The following TENM3 variants were observed in gnomAD, a reference collection of about 807,000 sequenced individuals.
TENM3 encodes the protein teneurin transmembrane protein 3, also known as teneurin-3.
TENM3 carries 63 observed loss-of-function variants against 255.1 expected under a neutral mutation model. That is an observed-to-expected ratio of 0.25 (90% CI 0.20 to 0.30). The LOEUF (loss-of-function observed/expected upper bound fraction) is 0.30, where lower values mean the gene tolerates loss of function less well. TENM3 is among the 10% of genes least tolerant of loss of function. The probability of loss-of-function intolerance (pLI) is 1.00; values close to 1 mark genes in which losing one functional copy is unlikely to be tolerated. For synonymous variants in TENM3, 1,306 were observed against 1,322.3 expected, an observed-to-expected ratio of 0.99 and a Z score of 0.27; for missense variants, 2,929 against 3,461.1, an observed-to-expected ratio of 0.85 and a Z score of 3.86.
chr4:181,824,843 TA>T, the TENM3 span, among the ~76,000 whole-genome samples: 1 of 152,308 alleles, frequency 6.6e-6, no homozygotes, highest in East Asian at 1.9e-4. Flanking sequence ...TGGTGGAAAG[TA>T]GATTGCTTAG....
At chr4:181,746,648 C>G in the TENM3 span, among the ~76,000 whole-genome samples, 1 of 152,012 alleles carries the variant, frequency 6.6e-6, no homozygotes, top group Non-Finnish European at 1.5e-5. Context: ...AAGTATGACT[C>G]TGCTTACTTA....
At chr4:182,633,899 C>T (rs1321925361) in intron 5 of TENM3, among the ~76,000 whole-genome samples, 1 of 152,144 alleles carries the variant, frequency 6.6e-6, no homozygotes, top group Non-Finnish European at 1.5e-5. Context: ...CAGTGGCCTT[C>T]CAGAACATGC....
chr4:181,468,157 T>C, the TENM3 span, among the ~76,000 whole-genome samples: 3 of 146,496 alleles, frequency 2.0e-5, no homozygotes, highest in African/African-American at 5.0e-5. Flanking sequence ...ATTGGTGTGG[T>C]GGCGCATGCC....
At chr4:182,758,575 A>AAT (rs1762899776) in intron 22 of TENM3, among the ~76,000 whole-genome samples, 1 of 152,104 alleles carries the variant, frequency 6.6e-6, no homozygotes, top group Non-Finnish European at 1.5e-5. Flanking sequence ...TCCCCGTCGG[A>AAT]ATGCCTTTGT....
At chr4:182,050,256 G>A in the TENM3 span, among the ~76,000 whole-genome samples, 1 of 152,012 alleles carries the variant, frequency 6.6e-6, no homozygotes, top group East Asian at 1.9e-4. Flanking sequence ...GCCTCCCAAA[G>A]TATTGGGATT....
At chr4:182,541,407 C>T (rs1397753312) in intron 3 of TENM3, among the ~76,000 whole-genome samples, 3 of 152,178 alleles carry the variant, frequency 2.0e-5, no homozygotes, top group Non-Finnish European at 2.9e-5. Context: ...CATTTGTGCA[C>T]ATGAGCATCT....
chr4:182,544,456 G>C (rs934131474), intron 3 of TENM3, among the ~76,000 whole-genome samples: 1 of 149,236 alleles, frequency 6.7e-6, no homozygotes, highest in Non-Finnish European at 1.5e-5. Flanking sequence ...TCAGTCTCTC[G>C]AGTAGCCGGG....
chr4:181,459,024 T>C, the TENM3 span, among the ~76,000 whole-genome samples: 3 of 152,028 alleles, frequency 2.0e-5, no homozygotes, highest in African/African-American at 7.2e-5. Context: ...ATGAGGAATA[T>C]ATGAGATTTT....
chr4:182,092,453 G>A, the TENM3 span, among the ~76,000 whole-genome samples: 1 of 152,136 alleles, frequency 6.6e-6, no homozygotes, highest in Non-Finnish European at 1.5e-5. Flanking sequence ...TTCAAGGCCA[G>A]CCTGAGCAAC....
chr4:181,522,861 G>T, the TENM3 span: 277 of 983,016 alleles, frequency 2.8e-4, 1 homozygote, highest in East Asian at 4.4e-3. Context: ...AAAAGCTGGT[G>T]TTTGTGCTGT....
chr4:182,621,695 T>TAATATGTATTA (rs1750205859), intron 4 of TENM3, among the ~76,000 whole-genome samples: 1 of 5,366 alleles, frequency 1.9e-4, no homozygotes, highest in African/African-American at 3.4e-4. Flanking sequence ...ATAATATATA[T>TAATATGTATTA]TATATATAAA....
At chr4:181,744,136 G>A in the TENM3 span, among the ~76,000 whole-genome samples, 459 of 152,212 alleles carry the variant, frequency 3.0e-3, 4 homozygotes, top group Middle Eastern at 0.014. Flanking sequence ...CATCCATGTC[G>A]CTGCAAAGGA....
the TENM3 span, among the ~76,000 whole-genome samples, chr4:181,653,043 C>T: frequency 6.6e-6 from 1 of 152,124 alleles, no homozygotes; most frequent in Non-Finnish European, 1.5e-5. Context: ...CTCAAAAAAT[C>T]GGCAGCTGAC....
At chr4:182,784,717 G>A (rs1402476093) in intron 24 of TENM3, among the ~76,000 whole-genome samples, 9 of 151,542 alleles carry the variant, frequency 5.9e-5, no homozygotes, top group East Asian at 2.0e-4. Context: ...CTCCGTGGGC[G>A]TAGGACCCTC....
chr4:181,914,402 C>T, the TENM3 span, among the ~76,000 whole-genome samples: 1 of 152,172 alleles, frequency 6.6e-6, no homozygotes. Flanking sequence ...TGCCTCCTTT[C>T]AATGCTTCCA....
chr4:182,607,060 A>C (rs905954179), intron 4 of TENM3, among the ~76,000 whole-genome samples: 12 of 152,228 alleles, frequency 7.9e-5, no homozygotes, highest in African/African-American at 2.7e-4. Flanking sequence ...ATGCAATAAT[A>C]ATACCTACTC....
At chr4:182,296,037 C>T (rs116382467) in intron 1 of TENM3, among the ~76,000 whole-genome samples, 3,063 of 152,194 alleles carry the variant, frequency 0.02, 105 homozygotes, top group African/African-American at 0.071. Flanking sequence ...CCTCAGCCTC[C>T]ACCTCCTGGG....
the TENM3 span, among the ~76,000 whole-genome samples, chr4:181,648,170 G>A: frequency 3.9e-5 from 6 of 152,078 alleles, no homozygotes. Flanking sequence ...TGCTCCATTG[G>A]TCTGTTCTGG....
chr4:182,230,830 ATATATATATATATATATATATATATATC>A (rs1193382531), intron 1 of TENM3, among the ~76,000 whole-genome samples: 3 of 106,542 alleles, frequency 2.8e-5, no homozygotes, highest in Non-Finnish European at 6.3e-5. Flanking sequence ...ATATATATAT[ATATATATATATATATATATATATATATC>A]CCCCTTCTAC....
Sources: allele counts gnomAD v4.1 joint callset (sites outside exome capture counted in the v4.1 genomes callset), GRCh38; gene constraint gnomAD v4.1.1; transcripts MANE v1.5; gene names NCBI Gene and HGNC (gene_info 2026-07-23, HGNC 2026-07-21).